Variants in GALNTL6 observed in about 807,000 individuals in gnomAD.
GALNTL6 encodes the protein polypeptide N-acetylgalactosaminyltransferase like 6.
In GALNTL6, 46 loss-of-function variants were observed where a neutral mutation model predicts 73.7. That is an observed-to-expected ratio of 0.62 (90% CI 0.49 to 0.80). The LOEUF (loss-of-function observed/expected upper bound fraction) is 0.80. Among genes scored for constraint, GALNTL6 ranks in the 30% least tolerant of loss-of-function variants. The pLI is 0.00. For missense variants in GALNTL6, 604 were observed against 755.0 expected, an observed-to-expected ratio of 0.80 and a Z score of 2.34; for synonymous variants, 259 against 263.7, an observed-to-expected ratio of 0.98 and a Z score of 0.17.
At chr4:172,053,510 C>G (rs1211184748) in intron 2 of GALNTL6, among the ~76,000 whole-genome samples, 2 of 152,098 alleles carry the variant, frequency 1.3e-5, no homozygotes, top group East Asian at 3.9e-4. Flanking sequence ...GGAATTAATT[C>G]TTTTCTAAAG....
chr4:172,395,009 TTCTC>T (rs1226984393), intron 5 of GALNTL6, among the ~76,000 whole-genome samples: 2 of 152,184 alleles, frequency 1.3e-5, no homozygotes, highest in African/African-American at 4.8e-5. Flanking sequence ...AGCAGTTTCT[TTCTC>T]TATATGTTTT....
intron 12 of GALNTL6, among the ~76,000 whole-genome samples, chr4:173,029,737 T>C (rs1446934353): frequency 6.6e-6 from 1 of 152,246 alleles, no homozygotes; most frequent in Non-Finnish European, 1.5e-5. Flanking sequence ...CTTATATCTG[T>C]ACAGGTCATC....
rs537050316 is a variant in GALNTL6 at position 171,961,892 on chromosome 4, G to A, written c.138+147174G>A. Among the ~76,000 whole-genome samples the A allele has an allele frequency of 7.9e-5, 12 of 152,250 alleles. No individual in the cohort carries two copies. The South Asian group carries it at 1.5e-3, about 18-fold the overall frequency. On this transcript the variant is annotated intron_variant, in intron 2 of 12. Transcript: ENST00000506823. ...AAAGCCTTCTTAATTAGTTTACTCAGGATAGATTTACTTATTTTGCTTCAC... is the reference window on the plus strand; with the variant it reads ...AAAGCCTTCTTAATTAGTTTACTCAAGATAGATTTACTTATTTTGCTTCAC...
chr4:172,891,490 A>C (rs573148602), intron 8 of GALNTL6, among the ~76,000 whole-genome samples: 1 of 152,220 alleles, frequency 6.6e-6, no homozygotes, highest in East Asian at 1.9e-4. Flanking sequence ...CCAATCTCTG[A>C]CTTATAATGT....
intron 5 of GALNTL6, among the ~76,000 whole-genome samples, chr4:172,609,625 CTGTGTG>C (rs35490374): frequency 1.7e-4 from 16 of 92,774 alleles, no homozygotes; most frequent in African/African-American, 4.1e-4. Context: ...CTCTCTCTCT[CTGTGTG>C]TGTGTGTGTG....
At chr4:172,063,743 C>A (rs1423129355) in intron 2 of GALNTL6, among the ~76,000 whole-genome samples, 1 of 152,112 alleles carries the variant, frequency 6.6e-6, no homozygotes, top group South Asian at 2.1e-4. Flanking sequence ...TGTACTTATA[C>A]GTTGGGCTTT....
intron 2 of GALNTL6, among the ~76,000 whole-genome samples, chr4:172,180,532 GT>G (rs1735207429): frequency 6.6e-6 from 1 of 152,102 alleles, no homozygotes; most frequent in African/African-American, 2.4e-5. Flanking sequence ...CCATGCCTAT[GT>G]CCTGTATGGT....
intron 2 of GALNTL6, among the ~76,000 whole-genome samples, chr4:171,828,284 C>T (rs1331256080): frequency 6.6e-6 from 1 of 152,130 alleles, no homozygotes; most frequent in Non-Finnish European, 1.5e-5. Context: ...GAGAAGTGAG[C>T]AGTTCATCTG....
intron 2 of GALNTL6, among the ~76,000 whole-genome samples, chr4:172,190,237 C>T (rs1291302307): frequency 6.6e-6 from 1 of 152,108 alleles, no homozygotes; most frequent in East Asian, 1.9e-4. Context: ...TTTACTTCCT[C>T]ACATCTTATT....
intron 8 of GALNTL6, among the ~76,000 whole-genome samples, chr4:172,884,066 T>C (rs28810234): frequency 0.2 from 29,753 of 152,102 alleles, 3,083 homozygotes; most frequent in Non-Finnish European, 0.22. Context: ...ATTGAGACCA[T>C]TGTCACAAAA....
chr4:171,900,056 G>A (rs976892984), intron 2 of GALNTL6, among the ~76,000 whole-genome samples: 1 of 151,752 alleles, frequency 6.6e-6, no homozygotes, highest in African/African-American at 2.4e-5. Context: ...ACTAAATGAG[G>A]GTTATGGAGT....
chr4:172,405,233 G>A (rs1744165157), intron 5 of GALNTL6, among the ~76,000 whole-genome samples: 1 of 151,236 alleles, frequency 6.6e-6, no homozygotes, highest in African/African-American at 2.4e-5. Flanking sequence ...TGACAACTGA[G>A]TTCTCACATT....
chr4:172,214,089 G>T (rs1157214794), intron 2 of GALNTL6, among the ~76,000 whole-genome samples: 1 of 152,078 alleles, frequency 6.6e-6, no homozygotes, highest in Non-Finnish European at 1.5e-5. Flanking sequence ...TTGTTTCATT[G>T]TCAGAGATCG....
At chr4:172,970,478 A>G (rs1750528564) in intron 10 of GALNTL6, among the ~76,000 whole-genome samples, 1 of 152,156 alleles carries the variant, frequency 6.6e-6, no homozygotes, top group Non-Finnish European at 1.5e-5. Context: ...TTAATATTTA[A>G]TATTCCTTGC....
At chr4:172,157,845 A>C (rs1228844221) in intron 2 of GALNTL6, among the ~76,000 whole-genome samples, 3 of 152,182 alleles carry the variant, frequency 2.0e-5, no homozygotes, top group Non-Finnish European at 4.4e-5. Context: ...AGATTGTTGC[A>C]TCAACATGCT....
intron 10 of GALNTL6, among the ~76,000 whole-genome samples, chr4:172,978,491 G>C (rs1750932822): frequency 6.6e-6 from 1 of 152,124 alleles, no homozygotes; most frequent in African/African-American, 2.4e-5. Flanking sequence ...CGTCTCCACA[G>C]CCACAATATG....
chr4:172,306,684 G>A (rs1479254026), intron 3 of GALNTL6, among the ~76,000 whole-genome samples: 1 of 152,108 alleles, frequency 6.6e-6, no homozygotes, highest in Non-Finnish European at 1.5e-5. Context: ...TCATATCATA[G>A]CTCCCACTTA....
At chr4:173,032,224 T>C (rs932278488) in intron 12 of GALNTL6, among the ~76,000 whole-genome samples, 1 of 151,922 alleles carries the variant, frequency 6.6e-6, no homozygotes, top group African/African-American at 2.4e-5. Flanking sequence ...CCGAGGCGGG[T>C]GGATCACGAG....
At chr4:172,543,541 A>G (rs2110880214) in intron 5 of GALNTL6, among the ~76,000 whole-genome samples, 1 of 152,314 alleles carries the variant, frequency 6.6e-6, no homozygotes, top group South Asian at 2.1e-4. Flanking sequence ...CCTGGGTCGT[A>G]GAGACTTAGC....
Sources: gnomAD v4.1 joint callset for allele counts (sites outside exome capture counted in the v4.1 genomes callset) on GRCh38, gnomAD v4.1.1 for gene constraint, MANE v1.5 for transcripts, NCBI Gene and HGNC (gene_info 2026-07-23, HGNC 2026-07-21) for gene names.